WASHC4: variants seen among roughly 807,000 people sequenced by gnomAD.
WASHC4 encodes the protein WASH complex subunit 4.
A neutral mutation model predicts 166.6 loss-of-function variants in WASHC4; 86 were observed. The observed-to-expected ratio is 0.52, with a 90% CI of 0.43 to 0.62. The LOEUF (loss-of-function observed/expected upper bound fraction) is 0.62. Among genes scored for constraint, WASHC4 ranks in the 20% least tolerant of loss-of-function variants. The pLI is 0.00. For synonymous variants in WASHC4, 446 were observed against 451.6 expected (o/e 0.99, Z 0.16); for missense variants, 1,262 against 1,382.4 (o/e 0.91, Z 1.38).
At chr12:105,118,880 C>A (rs1335356616) in intron 7 of WASHC4, among the ~76,000 whole-genome samples, 1 of 152,152 alleles carries the variant, frequency 6.6e-6, no homozygotes, top group Non-Finnish European at 1.5e-5. Context: ...TGAGACTTTT[C>A]TTAGACTACA....
chr12:105,121,158 A>G lies in WASHC4; in HGVS notation c.619A>G (p.Ile207Val). The change falls in exon 9 of 33, where the codon ATT (isoleucine) becomes GTT (valine). Residue 207 changes from isoleucine (I) to valine (V), a missense_variant. Physicochemically the swap from Ile to Val is conservative, Grantham distance 29 (BLOSUM62 3). Coordinates refer to ENST00000332180, the MANE Select transcript of WASHC4 (RefSeq NM_015275.3). ...LTVLLTLDEI[I>V]DNHITLKDHW... ...AGTTTTGCTCACCCTGGATGAAATT[A>G]TTGATAATCATATCACACTGAAAGA... The G allele has an allele frequency of 6.2e-7, 1 of 1,611,948 alleles. No individual in the cohort carries two copies. Among genetic ancestry groups the G allele is most frequent in the Non-Finnish European group, 8.5e-7 (1 of 1,178,368 alleles).
chr12:105,165,590 T>C lies in WASHC4; in HGVS notation c.3454+850T>C, dbSNP rs571955458. Among the ~76,000 whole-genome samples the C allele has an allele frequency of 3.3e-5, 5 of 152,310 alleles. No individual in the cohort carries two copies. In the East Asian group the frequency reaches 9.6e-4, roughly 29 times the overall value. ...TTCATGAAGTTTTCATAAATCAAGA[T>C]ATAAAGCTCTTCATAAAACAAGATG... On this transcript the variant is annotated intron_variant, in intron 32 of 32. Transcript: ENST00000332180.
chr12:105,137,077 G>C lies in WASHC4; in HGVS notation c.1327-809G>C, dbSNP rs147580042. ...GCTAAACTGTACATGTGTCTCTTTT[G>C]GGAACTTTATAGACCCAAAGAATCT... On this transcript the variant is annotated intron_variant, in intron 14 of 32. Transcript: ENST00000332180. Among the ~76,000 whole-genome samples the C allele has an allele frequency of 3.7e-3, 569 of 152,180 alleles. 1 individual carries two copies. The highest frequency in any genetic ancestry group is 5.9e-3 in the Non-Finnish European group (404 of 67,984).
At chr12:105,124,024 ATT>A (rs1014796878) in intron 10 of WASHC4, among the ~76,000 whole-genome samples, 1 of 152,100 alleles carries the variant, frequency 6.6e-6, no homozygotes, top group Non-Finnish European at 1.5e-5. Flanking sequence ...AAATGTTAGC[ATT>A]TTTAGCAATA....
chr12:105,162,736 T>TA lies in WASHC4; in HGVS notation c.3061-12dup, dbSNP rs774144832. 1.4e-6 allele frequency: 2 copies of TA among 1,381,812 alleles called. No homozygotes were observed. Among genetic ancestry groups the TA allele is most frequent in the Admixed American group, 1.7e-5 (1 of 59,636 alleles). The allele number at this position is 1,381,812 out of a possible 1,614,324, so 85.6% of individuals were successfully genotyped here. A position where few individuals can be genotyped will look rare whatever the true frequency, so the allele number is the denominator to read the frequency against. ...CAAAATTGTTTTTCTAACATGTTGT[T>TA]ACATCTTTTTAGACCCTCAACTTTG... On this transcript the variant is annotated splice_polypyrimidine_tract_variant and intron_variant, in intron 29 of 32. Transcript: ENST00000332180.
intron 28 of WASHC4, among the ~76,000 whole-genome samples, 197 bp from the exon 29 acceptor site, chr12:105,159,804 G>T (rs1296230865): frequency 6.6e-6 from 1 of 152,120 alleles, no homozygotes; most frequent in African/African-American, 2.4e-5. Flanking sequence ...CTATTTTTGG[G>T]ACTAAATTTA....
intron 14 of WASHC4, among the ~76,000 whole-genome samples, chr12:105,135,694 T>TTTG (rs1882253284): frequency 2.3e-5 from 1 of 44,196 alleles, no homozygotes; most frequent in Admixed American, 2.8e-4. Flanking sequence ...CTGTCTCTAA[T>TTTG]CAATTCATCT....
intron 1 of WASHC4, among the ~76,000 whole-genome samples, chr12:105,109,158 G>A (rs1411106683): frequency 1.3e-5 from 2 of 152,072 alleles, no homozygotes; most frequent in Admixed American, 6.6e-5. Context: ...AATTAACCTT[G>A]GAGATAATGA....
chr12:105,165,565 T>A (rs934576848), intron 32 of WASHC4, among the ~76,000 whole-genome samples: 2 of 152,202 alleles, frequency 1.3e-5, no homozygotes, highest in African/African-American at 4.8e-5. Context: ...TTACTCGTGC[T>A]TCATGAAGTT....
chr12:105,119,932 C>G lies in WASHC4; in HGVS notation c.519-623C>G, dbSNP rs1217952132. ...ACCCAACTGAAGAGAGGACTGATTC[C>G]TAAAGACCAGTTTGGAGGCTGGGCG... On this transcript the variant is annotated intron_variant, in intron 7 of 32. Coordinates refer to ENST00000332180, the MANE Select transcript of WASHC4 (RefSeq NM_015275.3). 2.0e-5 allele frequency among the ~76,000 whole-genome samples: 3 copies of G among 152,112 alleles called. No individual in the cohort carries two copies. The East Asian group carries it at 5.8e-4, about 29-fold the overall frequency.
At position 105,167,319 on chromosome 12, in the gene WASHC4, AC is replaced by A; in HGVS notation, c.*389del. On this transcript the variant is annotated 3_prime_UTR_variant, in exon 33 of 33. Coordinates refer to ENST00000332180, the MANE Select transcript of WASHC4 (RefSeq NM_015275.3). The stretch of plus-strand genomic sequence containing the variant: ...AAGTCATGGGAAATTCAATGCATAT[AC>A]TATATACAGCCAGTAAATACATGCT... 1 of 211,984 alleles carries A rather than the reference AC, an allele frequency of 4.7e-6. No individual in the cohort carries two copies. 13.1% of individuals were successfully genotyped at this position (211,984 alleles called of 1,614,324 possible). A position where few individuals can be genotyped will look rare whatever the true frequency, so the allele number is the denominator to read the frequency against.
chr12:105,126,091 A>G lies in WASHC4; in HGVS notation c.874A>G (p.Ile292Val), dbSNP rs762416791. The G allele has an allele frequency of 3.1e-6, 5 of 1,613,064 alleles. No individual in the cohort carries two copies. Among genetic ancestry groups the G allele is most frequent in the Non-Finnish European group, 4.2e-6 (5 of 1,179,350 alleles). ...TTTTGCTGAGGAATTTGCACATAGT[A>G]TTCGGTCAATTTTTGCAAATGTAGA... ...STFAEEFAHS[I>V]RSIFANVEAK... The change falls in exon 11 of 33, where the codon ATT (isoleucine) becomes GTT (valine). Residue 292 changes from isoleucine (I) to valine (V), a missense_variant. Transcript: ENST00000332180.
At chr12:105,143,026 A>G in intron 19 of WASHC4, 101 bp from the exon 20 acceptor site, 1 of 744,930 alleles carries the variant, frequency 1.3e-6, no homozygotes, top group Non-Finnish European at 2.4e-6. Flanking sequence ...TTTTTCCTTC[A>G]GATCGAGGTT....
rs1884397329 is a variant in WASHC4, at chr12:105,160,030, C to A, written c.2942C>A (p.Thr981Lys). 1 of 1,613,864 alleles carries A rather than the reference C, an allele frequency of 6.2e-7. No individual in the cohort carries two copies. The highest frequency in any genetic ancestry group is 8.5e-7 in the Non-Finnish European group (1 of 1,179,916). ...RHLDSVLSDH[T>K]RNSAEGTEYF... ...TTGGATTCAGTCCTCAGTGATCACA[C>A]ACGAAATTCTGCCGAAGGCACAGAA... The change falls in exon 29 of 33, where the codon ACA becomes AAA. Residue 981 changes from threonine (T) to lysine (K), a missense_variant. By Grantham distance (78) the Thr-to-Lys change is moderately conservative (BLOSUM62 -1). Transcript: ENST00000332180.
intron 24 of WASHC4, 81 bp downstream of exon 24, chr12:105,147,227 G>A (rs952006185): frequency 2.0e-5 from 17 of 834,360 alleles, no homozygotes; most frequent in South Asian, 8.1e-5. Flanking sequence ...AGAATATTGC[G>A]GTAAACATAC....
At chr12:105,141,068 T>C (rs760371118) in intron 17 of WASHC4, 23 bp downstream of exon 17, 5 of 1,613,758 alleles carry the variant, frequency 3.1e-6, no homozygotes, top group Admixed American at 3.3e-5. Flanking sequence ...CTATTACTTA[T>C]GGAACAGAAA....
At chr12:105,154,092 A>G (rs974910287) in intron 26 of WASHC4, among the ~76,000 whole-genome samples, 1 of 149,198 alleles carries the variant, frequency 6.7e-6, no homozygotes, top group African/African-American at 2.5e-5. Flanking sequence ...GTGCAGTGGC[A>G]TGTTCTCAGC....
intron 10 of WASHC4, 104 bp from the exon 11 acceptor site, chr12:105,125,900 T>C: frequency 9.0e-7 from 1 of 1,115,408 alleles, no homozygotes; most frequent in Non-Finnish European, 1.3e-6. Flanking sequence ...ATTTAAATGA[T>C]GAATATAGAA....
rs1452956563 is a variant in WASHC4 at position 105,114,440 on chromosome 12, A to T, written c.321+13A>T. 2.0e-6 allele frequency: 3 copies of T among 1,529,394 alleles called. No individual in the cohort carries two copies. 94.7% of individuals were successfully genotyped at this position (1,529,394 alleles called of 1,614,324 possible). On this transcript the variant is annotated intron_variant, in intron 4 of 32. Transcript: ENST00000332180. Reference sequence around the variant, plus strand: ...ATTAAAATATGAGGTAATTATTTGAATTCTTGTCTTAAAACTTTAAAAACA... The same window carrying T: ...ATTAAAATATGAGGTAATTATTTGATTTCTTGTCTTAAAACTTTAAAAACA...
Sources: allele counts gnomAD v4.1 joint callset (sites outside exome capture counted in the v4.1 genomes callset), GRCh38; gene constraint gnomAD v4.1.1; transcripts MANE v1.5; gene names NCBI Gene and HGNC (gene_info 2026-07-23, HGNC 2026-07-21).